Variants in PIGU observed in about 807,000 individuals in gnomAD.
PIGU encodes the protein phosphatidylinositol glycan anchor biosynthesis class U.
In PIGU, 24 loss-of-function variants were observed where a neutral mutation model predicts 49.9. The observed-to-expected ratio is 0.48, with a 90% CI of 0.35 to 0.68. The LOEUF is 0.68. PIGU is among the 30% of genes least tolerant of loss of function. The probability of loss-of-function intolerance (pLI) is 0.01; values close to 1 mark genes in which losing one functional copy is unlikely to be tolerated. For synonymous variants in PIGU, 220 were observed against 205.7 expected, an observed-to-expected ratio of 1.07 and a Z score of -0.59; for missense variants, 490 against 532.6, an observed-to-expected ratio of 0.92 and a Z score of 0.79.
At position 34,654,946 on chromosome 20, in the gene PIGU, A is replaced by G. The variant is rs1986660572; in HGVS notation, c.195+2234T>C. Among the ~76,000 whole-genome samples the G allele has an allele frequency of 2.7e-5, 3 of 112,972 alleles. 1 individual carries two copies. Among genetic ancestry groups the G allele is most frequent in the Non-Finnish European group, 5.5e-5 (3 of 54,120 alleles). 74.1% of individuals were successfully genotyped at this position (112,972 alleles called of 152,430 possible). On this transcript the variant is annotated intron_variant, in intron 2 of 11. Coordinates refer to ENST00000217446, the MANE Select transcript of PIGU (RefSeq NM_080476.5). ...CTTGAACCCGGGAGGCAGAGGTTGC[A>G]GTGAGCTGAGATTGCACCATTGCAC...
At chr20:34,645,374 AAC>A in intron 2 of PIGU, 40 bp from the exon 3 acceptor site, 1 of 1,541,320 alleles carries the variant, frequency 6.5e-7, no homozygotes, top group South Asian at 1.3e-5. Flanking sequence ...AATTAAGTTA[AAC>A]CTTACTATTA....
intron 1 of PIGU, among the ~76,000 whole-genome samples, chr20:34,666,676 CCTGA>C (rs1380036956): frequency 7.4e-5 from 11 of 148,688 alleles, no homozygotes; most frequent in East Asian, 2.0e-4. Flanking sequence ...CACCACTGCA[CCTGA>C]CTAATTCTTT....
At chr20:34,662,463 T>C (rs2146790089) in intron 1 of PIGU, among the ~76,000 whole-genome samples, 1 of 151,214 alleles carries the variant, frequency 6.6e-6, no homozygotes, top group African/African-American at 2.4e-5. Context: ...TGGCTTGATC[T>C]TGGCTCACTG....
At chr20:34,626,202 T>C (rs1985482731) in intron 6 of PIGU, among the ~76,000 whole-genome samples, 1 of 151,992 alleles carries the variant, frequency 6.6e-6, no homozygotes, top group African/African-American at 2.4e-5. Flanking sequence ...TACTTTAGGA[T>C]AGGTTCTCAA....
chr20:34,560,654 G>A lies in PIGU; in HGVS notation c.*212C>T, dbSNP rs1319207749. 2 of 461,296 alleles carry A rather than the reference G, an allele frequency of 4.3e-6. No individual in the cohort carries two copies. Among genetic ancestry groups the A allele is most frequent in the Non-Finnish European group, 7.6e-6 (2 of 261,644 alleles). 28.6% of individuals were successfully genotyped at this position (461,296 alleles called of 1,614,324 possible). The stretch of plus-strand genomic sequence containing the variant: ...GGCTCCTTGGTGTGCAGAGCCACAA[G>A]GTGGGGGTCCAAGTTGGGGAGCTCC... On this transcript the variant is annotated 3_prime_UTR_variant, in exon 12 of 12. Transcript: ENST00000217446.
intron 1 of PIGU, among the ~76,000 whole-genome samples, chr20:34,659,142 G>GCAC (rs1411295303): frequency 2.1e-4 from 27 of 126,790 alleles, no homozygotes; most frequent in African/African-American, 7.6e-4. Flanking sequence ...CTGCCCGGCT[G>GCAC]CCCCTACTGG....
intron 1 of PIGU, among the ~76,000 whole-genome samples, chr20:34,658,476 C>G (rs998576515): frequency 2.0e-5 from 3 of 151,638 alleles, no homozygotes; most frequent in African/African-American, 7.3e-5. Flanking sequence ...GTGAGGAGCC[C>G]CTCTGCCTGG....
At chr20:34,672,645 G>T (rs893158400) in intron 1 of PIGU, among the ~76,000 whole-genome samples, 1 of 151,786 alleles carries the variant, frequency 6.6e-6, no homozygotes, top group African/African-American at 2.4e-5. Context: ...TTGAGGCCAG[G>T]AGCTTAAGAC....
At position 34,622,511 on chromosome 20, in the gene PIGU, C is replaced by T. The variant is rs140439569; in HGVS notation, c.530-6372G>A. 3.5e-3 allele frequency among the ~76,000 whole-genome samples: 530 copies of T among 151,476 alleles called. 3 individuals are homozygous for T. The highest frequency in any genetic ancestry group is 0.012 in the African/African-American group (500 of 41,178). On this transcript the variant is annotated intron_variant, in intron 6 of 11. Transcript: ENST00000217446. Reference sequence around the variant, plus strand: ...CAGCCTGGGAGACACAGCAAGAGTCCGTCTCAAAAAAAACAAAAACAAAAA... The same window carrying T: ...CAGCCTGGGAGACACAGCAAGAGTCTGTCTCAAAAAAAACAAAAACAAAAA...
At chr20:34,669,562 G>C (rs971171832) in intron 1 of PIGU, among the ~76,000 whole-genome samples, 3 of 151,674 alleles carry the variant, frequency 2.0e-5, no homozygotes, top group African/African-American at 7.3e-5. Context: ...AGCTACTCAG[G>C]AGGCTGAGGC....
intron 1 of PIGU, among the ~76,000 whole-genome samples, chr20:34,659,988 C>T (rs1986879015): frequency 6.8e-6 from 1 of 147,876 alleles, no homozygotes; most frequent in Non-Finnish European, 1.5e-5. Flanking sequence ...ACCTTCCCTC[C>T]ACTATTGTCC....
intron 1 of PIGU, among the ~76,000 whole-genome samples, chr20:34,667,813 G>A (rs6088566): frequency 6.6e-6 from 1 of 152,160 alleles, no homozygotes; most frequent in South Asian, 2.1e-4. Flanking sequence ...TATTTGCAGA[G>A]CTCCAAAGAA....
intron 2 of PIGU, among the ~76,000 whole-genome samples, chr20:34,649,159 G>A (rs911823115): frequency 5.3e-5 from 8 of 151,962 alleles, no homozygotes; most frequent in African/African-American, 7.3e-5. Flanking sequence ...GAGCCACCAC[G>A]CCCGGTCTGT....
chr20:34,622,576 G>T (rs1019653994), intron 6 of PIGU, among the ~76,000 whole-genome samples: 1 of 152,102 alleles, frequency 6.6e-6, no homozygotes, highest in Non-Finnish European at 1.5e-5. Context: ...GCAGGTAGGA[G>T]TCAGATCACG....
intron 6 of PIGU, among the ~76,000 whole-genome samples, chr20:34,633,075 T>C (rs1436942928): frequency 6.6e-6 from 1 of 151,914 alleles, no homozygotes; most frequent in Non-Finnish European, 1.5e-5. Flanking sequence ...AGGTAGTACA[T>C]GGAAGAAAAA....
chr20:34,628,960 G>A (rs11904852), intron 6 of PIGU, among the ~76,000 whole-genome samples: 55,835 of 151,440 alleles, frequency 0.37, 10,660 homozygotes, highest in Admixed American at 0.54. Flanking sequence ...TAACTTTGCC[G>A]TGCCTTCCTG....
chr20:34,573,511 G>GT (rs1359055720), intron 11 of PIGU, among the ~76,000 whole-genome samples: 4 of 152,200 alleles, frequency 2.6e-5, no homozygotes, highest in African/African-American at 9.7e-5. Flanking sequence ...CACTGCAACT[G>GT]TATTTCCAGA....
intron 2 of PIGU, among the ~76,000 whole-genome samples, chr20:34,649,373 G>C (rs1044824232): frequency 6.7e-6 from 1 of 148,588 alleles, no homozygotes; most frequent in Non-Finnish European, 1.5e-5. Context: ...GTTTTACTAA[G>C]TTTCAGATCT....
chr20:34,608,623 G>GA (rs1347324074), intron 7 of PIGU, among the ~76,000 whole-genome samples: 2 of 152,006 alleles, frequency 1.3e-5, no homozygotes, highest in African/African-American at 4.8e-5. Flanking sequence ...CAGAGGGCTT[G>GA]AAAAAAACTC....
Sources: gnomAD v4.1 joint callset for allele counts (sites outside exome capture counted in the v4.1 genomes callset) on GRCh38, gnomAD v4.1.1 for gene constraint, MANE v1.5 for transcripts, NCBI Gene and HGNC (gene_info 2026-07-23, HGNC 2026-07-21) for gene names.